The following MTRF1 variants were observed in gnomAD, a reference collection of about 807,000 sequenced individuals.
MTRF1 encodes peptide chain release factor 1, mitochondrial.
In MTRF1, 51 loss-of-function variants were observed where a neutral mutation model predicts 62.9. The ratio of observed to expected loss-of-function variants is 0.81; its 90% CI spans 0.65 to 1.02. The LOEUF (loss-of-function observed/expected upper bound fraction) is 1.02, where lower values mean the gene tolerates loss of function less well. Among genes scored for constraint, MTRF1 ranks in the 50% least tolerant of loss-of-function variants. The probability of loss-of-function intolerance (pLI) is 0.00; values close to 1 mark genes in which losing one functional copy is unlikely to be tolerated. For missense variants in MTRF1, 446 were observed against 530.0 expected, an observed-to-expected ratio of 0.84 and a Z score of 1.56; for synonymous variants, 158 against 181.9, an observed-to-expected ratio of 0.87 and a Z score of 1.06.
At chr13:41,301,805 A>G in the MTRF1 span, among the ~76,000 whole-genome samples, 1 of 151,964 alleles carries the variant, frequency 6.6e-6, no homozygotes, top group Non-Finnish European at 1.5e-5. Flanking sequence ...CTGTCTTATT[A>G]TGTAGATAAA....
the MTRF1 span, among the ~76,000 whole-genome samples, chr13:41,280,804 T>C: frequency 6.6e-6 from 1 of 152,188 alleles, no homozygotes; most frequent in Non-Finnish European, 1.5e-5. Context: ...TTTTGCCAGA[T>C]GGGGTGAAGG....
At chr13:41,280,087 G>A in the MTRF1 span, among the ~76,000 whole-genome samples, 1 of 152,152 alleles carries the variant, frequency 6.6e-6, no homozygotes, top group Non-Finnish European at 1.5e-5. Context: ...ACAGGCGTGT[G>A]ACACCATGCT....
intron 2 of MTRF1, among the ~76,000 whole-genome samples, chr13:41,259,712 A>AAAAAAAAACAAAAAC (rs1555268026): frequency 5.9e-5 from 8 of 136,712 alleles, no homozygotes; most frequent in African/African-American, 2.2e-4. Flanking sequence ...AAAAAAAAAA[A>AAAAAAAAACAAAAAC]AAAAAAAAAC....
At chr13:41,257,174 T>C (rs910480979) in intron 2 of MTRF1, among the ~76,000 whole-genome samples, 3 of 152,190 alleles carry the variant, frequency 2.0e-5, no homozygotes, top group Non-Finnish European at 4.4e-5. Flanking sequence ...AGGCAGAATA[T>C]GCAAAGAGAA....
the MTRF1 span, chr13:41,311,589 G>A: frequency 6.2e-7 from 1 of 1,603,794 alleles, no homozygotes; most frequent in South Asian, 1.1e-5. Context: ...CTTGGTGAGT[G>A]GCCGTAGGCC....
chr13:41,268,429 A>T (rs2139251327), upstream of MTRF1, among the ~76,000 whole-genome samples: 1 of 152,274 alleles, frequency 6.6e-6, no homozygotes, highest in South Asian at 2.1e-4. Context: ...GATCATCGTA[A>T]GTCATTCTCG....
the MTRF1 span, among the ~76,000 whole-genome samples, chr13:41,275,435 C>T: frequency 1.3e-5 from 2 of 150,116 alleles, no homozygotes; most frequent in East Asian, 2.0e-4. Flanking sequence ...CCCCTGACCT[C>T]GTGATCTGCC....
chr13:41,311,287 C>T, the MTRF1 span: 1 of 548,698 alleles, frequency 1.8e-6, no homozygotes, highest in Non-Finnish European at 3.2e-6. Context: ...GGAACCGCCG[C>T]CGCCGCCGCT....
the MTRF1 span, among the ~76,000 whole-genome samples, chr13:41,288,923 G>A: frequency 6.6e-6 from 1 of 152,136 alleles, no homozygotes. Context: ...AAGGAGACAA[G>A]AGCCTTGAAG....
the MTRF1 span, among the ~76,000 whole-genome samples, chr13:41,281,998 C>T: frequency 2.0e-5 from 3 of 151,928 alleles, no homozygotes; most frequent in Admixed American, 6.6e-5. Flanking sequence ...ATTAGCCAGG[C>T]GTGGTGGCGG....
At chr13:41,242,218 T>A (rs2037605268) in intron 5 of MTRF1, among the ~76,000 whole-genome samples, 1 of 152,230 alleles carries the variant, frequency 6.6e-6, no homozygotes. Context: ...ACTCAAGGAT[T>A]GAAACACATC....
intron 2 of MTRF1, among the ~76,000 whole-genome samples, chr13:41,258,333 C>G (rs2039989320): frequency 6.6e-6 from 1 of 151,760 alleles, no homozygotes; most frequent in African/African-American, 2.4e-5. Context: ...AGTTAATAGC[C>G]AAATCTGGAT....
At chr13:41,279,320 A>G in the MTRF1 span, among the ~76,000 whole-genome samples, 4 of 152,332 alleles carry the variant, frequency 2.6e-5, no homozygotes, top group Admixed American at 6.5e-5. Context: ...AACATTTACA[A>G]TGATTCTGTC....
chr13:41,292,832 A>G, the MTRF1 span, among the ~76,000 whole-genome samples: 1 of 152,008 alleles, frequency 6.6e-6, no homozygotes, highest in Non-Finnish European at 1.5e-5. Context: ...ACTTGGGAGG[A>G]GGCTGAGGTG....
At chr13:41,280,056 G>C in the MTRF1 span, among the ~76,000 whole-genome samples, 4 of 152,132 alleles carry the variant, frequency 2.6e-5, no homozygotes, top group Non-Finnish European at 5.9e-5. Context: ...CCCTGCCTCA[G>C]CCTCCCAAGT....
chr13:41,260,025 C>G (rs1039665589), intron 2 of MTRF1, among the ~76,000 whole-genome samples: 5 of 152,214 alleles, frequency 3.3e-5, no homozygotes, highest in Non-Finnish European at 7.3e-5. Flanking sequence ...AACATTTTGT[C>G]TCCCAGACCT....
intron 7 of MTRF1, among the ~76,000 whole-genome samples, chr13:41,227,613 T>C (rs1161017326): frequency 6.6e-6 from 1 of 152,210 alleles, no homozygotes; most frequent in African/African-American, 2.4e-5. Flanking sequence ...CTGAGGTCCG[T>C]GTCAAATCCT....
the MTRF1 span, chr13:41,288,269 A>G: frequency 3.2e-6 from 1 of 311,370 alleles, no homozygotes; most frequent in Non-Finnish European, 6.4e-6. Flanking sequence ...ATTAGTAGGC[A>G]AGTTTTACTT....
intron 5 of MTRF1, among the ~76,000 whole-genome samples, chr13:41,241,908 TAC>T (rs1428360402): frequency 6.6e-6 from 1 of 152,236 alleles, no homozygotes; most frequent in East Asian, 1.9e-4. Context: ...TCTCTCTTTT[TAC>T]AGTCTTGACA....
Sources: allele counts gnomAD v4.1 joint callset (sites outside exome capture counted in the v4.1 genomes callset), GRCh38; gene constraint gnomAD v4.1.1; transcripts MANE v1.5; gene names NCBI Gene and HGNC (gene_info 2026-07-23, HGNC 2026-07-21).